The following TBC1D23 variants were observed in gnomAD, a reference collection of about 807,000 sequenced individuals.
The protein encoded by TBC1D23 is HCV non-structural protein 4A-transactivated protein 1.
TBC1D23 carries 55 observed loss-of-function variants against 91.4 expected under a neutral mutation model. The ratio of observed to expected loss-of-function variants is 0.60; its 90% CI spans 0.48 to 0.75. The LOEUF (loss-of-function observed/expected upper bound fraction) is 0.75, where lower values mean the gene tolerates loss of function less well. Ranked by LOEUF, TBC1D23 falls within the 30% of genes least tolerant of loss-of-function variation. TBC1D23 has a pLI of 0.00. For synonymous variants in TBC1D23, 289 were observed against 281.0 expected (o/e 1.03, Z -0.28); for missense variants, 725 against 836.1 (o/e 0.87, Z 1.64).
At chr3:100,271,541 C>T (rs138612727) in intron 1 of TBC1D23, among the ~76,000 whole-genome samples, 71 of 151,996 alleles carry the variant, frequency 4.7e-4, no homozygotes, top group African/African-American at 1.6e-3. Flanking sequence ...AGAAGAGATA[C>T]GTAAGTCTCC....
At chr3:100,268,021 A>C (rs2067570656) in intron 1 of TBC1D23, among the ~76,000 whole-genome samples, 1 of 152,096 alleles carries the variant, frequency 6.6e-6, no homozygotes, top group Non-Finnish European at 1.5e-5. Context: ...AAATAAAAAA[A>C]ATTAGCCAGA....
chr3:100,277,613 G>C (rs191371412), intron 1 of TBC1D23, among the ~76,000 whole-genome samples: 1 of 152,178 alleles, frequency 6.6e-6, no homozygotes, highest in Non-Finnish European at 1.5e-5. Flanking sequence ...AAAAGAAAAG[G>C]ATTTTGCACT....
intron 16 of TBC1D23, 93 bp from the exon 17 acceptor site, chr3:100,318,976 T>A: frequency 1.2e-6 from 1 of 809,110 alleles, no homozygotes. Flanking sequence ...ATCCATATCT[T>A]CAAAATACTA....
At chr3:100,294,354 A>G (rs948588127) in intron 5 of TBC1D23, among the ~76,000 whole-genome samples, 1 of 150,888 alleles carries the variant, frequency 6.6e-6, no homozygotes, top group Non-Finnish European at 1.5e-5. Flanking sequence ...TCTGCCTCCC[A>G]GGTTCAAGTG....
At chr3:100,315,154 C>CTTTTTTTTTTTTTTTTTTTTTTTTTTTT in intron 15 of TBC1D23, among the ~76,000 whole-genome samples, 1 of 73,664 alleles carries the variant, frequency 1.4e-5, no homozygotes, top group Non-Finnish European at 2.4e-5. Context: ...GAGGCAGATT[C>CTTTTTTTTTTTTTTTTTTTTTTTTTTTT]TTTTTTTTTT....
intron 4 of TBC1D23, among the ~76,000 whole-genome samples, chr3:100,288,258 T>C (rs1468400368): frequency 6.6e-6 from 1 of 151,350 alleles, no homozygotes; most frequent in Non-Finnish European, 1.5e-5. Context: ...AAAAAAAAAT[T>C]AAAAAATTAA....
chr3:100,283,573 C>T, intron 3 of TBC1D23, 34 bp from the exon 4 acceptor site: 1 of 1,513,888 alleles, frequency 6.6e-7, no homozygotes, highest in South Asian at 1.1e-5. Flanking sequence ...CTGACAGGCC[C>T]TCAGTAACTT....
chr3:100,266,119 T>G (rs977587869), intron 1 of TBC1D23, among the ~76,000 whole-genome samples: 9 of 152,194 alleles, frequency 5.9e-5, no homozygotes, highest in African/African-American at 2.2e-4. Flanking sequence ...GAAAATGAAC[T>G]TCATTTTTTG....
intron 16 of TBC1D23, among the ~76,000 whole-genome samples, chr3:100,316,573 G>T (rs1239205812): frequency 6.6e-6 from 1 of 152,104 alleles, no homozygotes; most frequent in Non-Finnish European, 1.5e-5. Flanking sequence ...GAGGCTATCA[G>T]TGTGGAAATA....
intron 1 of TBC1D23, among the ~76,000 whole-genome samples, chr3:100,272,112 T>C (rs1349553903): frequency 1.3e-5 from 2 of 152,224 alleles, no homozygotes; most frequent in African/African-American, 4.8e-5. Flanking sequence ...CCACATGTTT[T>C]TATATCTTTT....
chr3:100,279,494 A>G (rs1404745085), intron 1 of TBC1D23, 155 bp from the exon 2 acceptor site: 1 of 470,126 alleles, frequency 2.1e-6, no homozygotes, highest in African/African-American at 2.0e-5. Flanking sequence ...ATTTCCCACA[A>G]GAAAACATGC....
intron 1 of TBC1D23, 136 bp downstream of exon 1, chr3:100,261,207 A>G (rs773757726): frequency 1.3e-6 from 1 of 792,868 alleles, no homozygotes; most frequent in Non-Finnish European, 2.1e-6. Flanking sequence ...GCCCTGCCCT[A>G]CCCCTCTGCC....
In TBC1D23 at chr3:100,306,522, G is replaced by T; in HGVS notation, c.1392G>T (p.Arg464Ser). The T allele has an allele frequency of 6.2e-7, 1 of 1,605,560 alleles. No homozygotes were observed. The highest frequency in any genetic ancestry group is 8.5e-7 in the Non-Finnish European group (1 of 1,172,346). Reference protein sequence around the residue: ...GHWIASTSGSRSSINSVDGES... With the variant: ...GHWIASTSGSSSSINSVDGES... ...GGATTGCTAGTACCTCAGGCTCAAG[G>T]AGCAGTATCAATTCTGTTGATGTAA... The change falls in exon 13 of 19, where the codon AGG (arginine) becomes AGT (serine). Residue 464 changes from arginine (R) to serine (S), a missense_variant. Transcript: ENST00000394144.
At chr3:100,321,350 G>GTGCT (rs1321204581) in intron 18 of TBC1D23, among the ~76,000 whole-genome samples, 2 of 152,150 alleles carry the variant, frequency 1.3e-5, no homozygotes, top group Non-Finnish European at 2.9e-5. Context: ...ACTAAGCAGT[G>GTGCT]TGCTGGGTGA....
At chr3:100,308,915 A>G (rs1217191274) in intron 13 of TBC1D23, among the ~76,000 whole-genome samples, 2 of 152,226 alleles carry the variant, frequency 1.3e-5, no homozygotes, top group African/African-American at 4.8e-5. Flanking sequence ...GAGCAATCCC[A>G]TGAAACAATT....
intron 10 of TBC1D23, among the ~76,000 whole-genome samples, chr3:100,301,220 C>A (rs1243377278): frequency 1.4e-5 from 2 of 146,954 alleles, no homozygotes; most frequent in Non-Finnish European, 3.0e-5. Context: ...TTGCGGTGAG[C>A]CGAGATCGCA....
chr3:100,288,364 A>C (rs2067762226), intron 4 of TBC1D23, among the ~76,000 whole-genome samples: 1 of 152,194 alleles, frequency 6.6e-6, no homozygotes, highest in African/African-American at 2.4e-5. Context: ...CCCCTACAAA[A>C]ATACCACTTG....
chr3:100,274,013 CAT>C (rs2067624741), intron 1 of TBC1D23, among the ~76,000 whole-genome samples: 1 of 152,058 alleles, frequency 6.6e-6, no homozygotes, highest in African/African-American at 2.4e-5. Flanking sequence ...TAAATACACA[CAT>C]GAGAAACTGA....
intron 8 of TBC1D23, among the ~76,000 whole-genome samples, chr3:100,296,906 G>A (rs1447549008): frequency 6.6e-6 from 1 of 151,892 alleles, no homozygotes; most frequent in Non-Finnish European, 1.5e-5. Flanking sequence ...ATCCAGTGGA[G>A]GAGGTAGAGT....
Sources: gnomAD v4.1 joint callset for allele counts (sites outside exome capture counted in the v4.1 genomes callset) on GRCh38, gnomAD v4.1.1 for gene constraint, MANE v1.5 for transcripts, NCBI Gene and HGNC (gene_info 2026-07-23, HGNC 2026-07-21) for gene names.